CEP120: variants seen among roughly 807,000 people sequenced by gnomAD.
The protein encoded by CEP120 is centrosomal protein 120.
A neutral mutation model predicts 126.5 loss-of-function variants in CEP120; 113 were observed. The observed-to-expected ratio is 0.89, with a 90% CI of 0.77 to 1.04. CEP120 has a LOEUF of 1.04. Among genes scored for constraint, CEP120 ranks in the 50% least tolerant of loss-of-function variants. The pLI, the probability that CEP120 is intolerant of heterozygous loss-of-function variation, is 0.00. For missense variants in CEP120, 1,230 were observed against 1,155.7 expected (o/e 1.06, Z -0.93); for synonymous variants, 400 against 394.3 (o/e 1.01, Z -0.17).
chr5:123,358,718 G>A (rs1001253327), intron 18 of CEP120, among the ~76,000 whole-genome samples: 2 of 151,950 alleles, frequency 1.3e-5, no homozygotes, highest in African/African-American at 4.8e-5. Context: ...AAGTTAGAGG[G>A]TAGTGAAAGA....
At chr5:123,402,817 G>A (rs944859701) in intron 4 of CEP120, among the ~76,000 whole-genome samples, 3 of 152,214 alleles carry the variant, frequency 2.0e-5, no homozygotes, top group African/African-American at 7.2e-5. Flanking sequence ...CAATGTGATG[G>A]TATTAGGAGA....
intron 18 of CEP120, among the ~76,000 whole-genome samples, chr5:123,358,069 G>A (rs1310753221): frequency 1.3e-5 from 2 of 152,052 alleles, no homozygotes; most frequent in Non-Finnish European, 2.9e-5. Flanking sequence ...AACACATTCA[G>A]TGTTCTCTTA....
chr5:123,359,116 G>A (rs1007786373), intron 18 of CEP120, among the ~76,000 whole-genome samples: 1 of 152,072 alleles, frequency 6.6e-6, no homozygotes, highest in African/African-American at 2.4e-5. Flanking sequence ...ATTACTCAGA[G>A]TGGATAAGCA....
chr5:123,413,885 T>C (rs1774225444), intron 3 of CEP120, among the ~76,000 whole-genome samples: 1 of 152,246 alleles, frequency 6.6e-6, no homozygotes, highest in Admixed American at 6.5e-5. Flanking sequence ...TTGATGACTT[T>C]TTCTGTTATA....
intron 4 of CEP120, among the ~76,000 whole-genome samples, chr5:123,408,464 A>C (rs1773840958): frequency 6.6e-6 from 1 of 152,196 alleles, no homozygotes; most frequent in Non-Finnish European, 1.5e-5. Context: ...CGGTATTAAA[A>C]TAATAATAAA....
At chr5:123,379,905 C>A (rs908895075) in intron 14 of CEP120, among the ~76,000 whole-genome samples, 3 of 152,130 alleles carry the variant, frequency 2.0e-5, no homozygotes, top group African/African-American at 7.2e-5. Flanking sequence ...ATCTTATCTA[C>A]AGAACACTTC....
In CEP120 at chr5:123,393,168, G is replaced by C. The variant is rs554380843; in HGVS notation, c.810+132C>G. On this transcript the variant is annotated intron_variant, in intron 6 of 19. Coordinates refer to ENST00000306467, the MANE Select transcript of CEP120 (RefSeq NM_001375405.1). ...AGGATAGTACCTAAAAAAATTAGAAGATGTGGCAGAAAGATAACCTGTACT... is the reference window on the plus strand; with the variant it reads ...AGGATAGTACCTAAAAAAATTAGAACATGTGGCAGAAAGATAACCTGTACT... The C allele has an allele frequency of 9.0e-6, 7 of 780,794 alleles. No individual in the cohort carries two copies. In the South Asian group the frequency reaches 1.3e-4, roughly 14 times the overall value. The allele number at this position is 780,794 out of a possible 1,614,324, so 48.4% of individuals were successfully genotyped here. A position where few individuals can be genotyped will look rare whatever the true frequency, so the allele number is the denominator to read the frequency against.
In CEP120 at chr5:123,388,960, TATA is replaced by T. The variant is rs369843410; in HGVS notation, c.1256-357_1256-355del. 2.3e-3 allele frequency among the ~76,000 whole-genome samples: 346 copies of T among 152,320 alleles called. 4 individuals are homozygous for T. Among genetic ancestry groups the T allele is most frequent in the African/African-American group, 8.0e-3 (332 of 41,570 alleles). On this transcript the variant is annotated intron_variant, in intron 8 of 19. Transcript: ENST00000306467. Reference sequence around the variant, plus strand: ...GGGCTGTATATGAGACTTACTGAGATATAATGACATCACCTTTTTACAGTAATT... The same window carrying T: ...GGGCTGTATATGAGACTTACTGAGATATGACATCACCTTTTTACAGTAATT...
At chr5:123,365,295 T>C (rs1302574416) in intron 17 of CEP120, among the ~76,000 whole-genome samples, 2 of 151,738 alleles carry the variant, frequency 1.3e-5, no homozygotes, top group East Asian at 3.9e-4. Context: ...AGGCAATCTG[T>C]TGTACATGAA....
At position 123,390,052 on chromosome 5, in the gene CEP120, G is replaced by GT; in HGVS notation, c.1126dup (p.Thr376AsnfsTer23). On this transcript the variant is annotated frameshift_variant, in exon 8 of 20. Transcript: ENST00000306467. LOFTEE classifies it high-confidence loss of function. ...GGACACTGTTGGTGATTTTGGCCCAGTAAGTGTCTTCTCCTTTATGGGGGT... is the reference window on the plus strand; with the variant it reads ...GGACACTGTTGGTGATTTTGGCCCAGTTAAGTGTCTTCTCCTTTATGGGGGT... 6.2e-7 allele frequency: 1 copy of GT among 1,614,010 alleles called. No homozygotes were observed. The highest frequency in any genetic ancestry group is 8.5e-7 in the Non-Finnish European group (1 of 1,179,894).
chr5:123,377,624 G>T lies in CEP120; in HGVS notation c.2197-89C>A, dbSNP rs543820531. Reference sequence around the variant, plus strand: ...CCAATATCTTTCTATACACTCAAATGTTGAGGATATTTACAAATTTATTTT... The same window carrying T: ...CCAATATCTTTCTATACACTCAAATTTTGAGGATATTTACAAATTTATTTT... On this transcript the variant is annotated intron_variant, in intron 15 of 19. Coordinates refer to ENST00000306467, the MANE Select transcript of CEP120 (RefSeq NM_001375405.1). The T allele has an allele frequency of 3.1e-6, 3 of 969,716 alleles. No homozygotes were observed. In the East Asian group the frequency reaches 8.3e-5, roughly 27 times the overall value. The allele number at this position is 969,716 out of a possible 1,614,324, so 60.1% of individuals were successfully genotyped here.
chr5:123,385,914 A>AT, intron 10 of CEP120, among the ~76,000 whole-genome samples: 1 of 152,044 alleles, frequency 6.6e-6, no homozygotes, highest in Non-Finnish European at 1.5e-5. Flanking sequence ...CTACTATTAT[A>AT]TTTTTTGTAC....
chr5:123,354,819 T>A (rs142807710), intron 18 of CEP120, among the ~76,000 whole-genome samples: 1,944 of 152,140 alleles, frequency 0.013, 17 homozygotes, highest in Non-Finnish European at 0.022. Flanking sequence ...AGTTCTAGGG[T>A]ACATGTGCAC....
At chr5:123,399,338 T>C (rs1437007515) in intron 4 of CEP120, 54 bp from the exon 5 acceptor site, 13 of 1,526,946 alleles carry the variant, frequency 8.5e-6, no homozygotes, top group African/African-American at 4.1e-5. Context: ...TAAACCATTA[T>C]AAGATTTTTA....
rs142459804 is a variant in CEP120 at position 123,346,591 on chromosome 5, G to A, written c.2889C>T (p.His963=). The change falls in exon 20 of 20, where the codon CAC becomes CAT. Residue 963 remains histidine, a synonymous_variant. Coordinates refer to ENST00000306467, the MANE Select transcript of CEP120 (RefSeq NM_001375405.1). Reference sequence around the variant, plus strand: ...CGAGTTCACTTATTATTCGATCCTCGTGATTATACACACCCGTTCTCATCA... The same window carrying A: ...CGAGTTCACTTATTATTCGATCCTCATGATTATACACACCCGTTCTCATCA... The part of the protein sequence containing the change: ...DTLMRTGVYN[H]EDRIISELDR... 1.4e-4 allele frequency: 232 copies of A among 1,613,576 alleles called. No homozygotes were observed. The highest frequency in any genetic ancestry group is 1.8e-4 in the Non-Finnish European group (214 of 1,179,896).
chr5:123,394,015 T>A (rs146836766), intron 5 of CEP120, among the ~76,000 whole-genome samples: 12 of 152,308 alleles, frequency 7.9e-5, no homozygotes, highest in African/African-American at 2.9e-4. Context: ...AAAAATACCT[T>A]TTGTACTATG....
intron 18 of CEP120, among the ~76,000 whole-genome samples, chr5:123,356,760 C>A (rs919997397): frequency 1.3e-5 from 2 of 152,098 alleles, no homozygotes; most frequent in Non-Finnish European, 2.9e-5. Flanking sequence ...TTCACTCTCT[C>A]TCTTTGTATT....
chr5:123,421,359 T>C (rs1774700649), intron 1 of CEP120, among the ~76,000 whole-genome samples: 1 of 152,090 alleles, frequency 6.6e-6, no homozygotes, highest in Non-Finnish European at 1.5e-5. Flanking sequence ...ACCTTTTGAG[T>C]TTAAGCCTGA....
At chr5:123,377,312 T>A in intron 16 of CEP120, 62 bp downstream of exon 16, 1 of 1,496,714 alleles carries the variant, frequency 6.7e-7, no homozygotes, top group African/African-American at 1.4e-5. Flanking sequence ...AGTGAACTAT[T>A]TCTCTTATTA....
Sources: gnomAD v4.1 joint callset for allele counts (sites outside exome capture counted in the v4.1 genomes callset) on GRCh38, gnomAD v4.1.1 for gene constraint, MANE v1.5 for transcripts, NCBI Gene and HGNC (gene_info 2026-07-23, HGNC 2026-07-21) for gene names.